The following BCOR variants were observed in gnomAD, a reference collection of about 807,000 sequenced individuals.
BCOR encodes the protein BCL-6 corepressor.
In BCOR, 10 loss-of-function variants were observed where a neutral mutation model predicts 86.7. That is an observed-to-expected ratio of 0.12 (90% CI 0.07 to 0.20). The LOEUF (loss-of-function observed/expected upper bound fraction) is 0.20. Ranked by LOEUF, BCOR falls within the 10% of genes least tolerant of loss-of-function variation. BCOR has a pLI of 1.00. For missense variants in BCOR, 1,259 were observed against 1,452.1 expected, an observed-to-expected ratio of 0.87 and a Z score of 2.16; for synonymous variants, 611 against 609.0, an observed-to-expected ratio of 1.00 and a Z score of -0.05.
intron 1 of BCOR, among the ~76,000 whole-genome samples, chrX:40,107,335 G>A (rs1937209564): frequency 9.0e-6 from 1 of 111,299 alleles, no homozygotes; most frequent in African/African-American, 3.3e-5. Context: ...AGCAGAGTGG[G>A]GGACGCAAGG....
chrX:40,148,054 C>T (rs1938098667), intron 1 of BCOR, among the ~76,000 whole-genome samples: 1 of 112,307 alleles, frequency 8.9e-6, no homozygotes, highest in Non-Finnish European at 1.9e-5. Flanking sequence ...CTCTCAGGGC[C>T]TCGGGCAACT....
chrX:40,161,506 C>CTTTTTT (rs749528691), intron 1 of BCOR, among the ~76,000 whole-genome samples: 1 of 55,984 alleles, frequency 1.8e-5, no homozygotes, highest in African/African-American at 8.2e-5. Context: ...CGATTCTCCC[C>CTTTTTT]TTTTTTTTTT....
intron 10 of BCOR, among the ~76,000 whole-genome samples, chrX:40,059,824 T>C (rs916177710): frequency 2.7e-5 from 3 of 112,782 alleles, no homozygotes; most frequent in Non-Finnish European, 5.6e-5. Flanking sequence ...AAAAACATGA[T>C]TTATTCGATT....
chrX:40,139,371 T>A (rs1352007168), intron 1 of BCOR, among the ~76,000 whole-genome samples: 1 of 55,452 alleles, frequency 1.8e-5, no homozygotes, highest in Non-Finnish European at 3.5e-5. Context: ...ATTTAAAATA[T>A]ATATATATAT....
intron 1 of BCOR, among the ~76,000 whole-genome samples, chrX:40,080,071 A>T (rs1025985604): frequency 9.5e-6 from 1 of 105,025 alleles, no homozygotes; most frequent in Non-Finnish European, 1.9e-5. Flanking sequence ...CAAGAAAAGG[A>T]TGAGGGAAGA....
intron 10 of BCOR, among the ~76,000 whole-genome samples, chrX:40,059,648 G>C (rs1934769704): frequency 8.8e-6 from 1 of 113,058 alleles, no homozygotes; most frequent in Non-Finnish European, 1.9e-5. Flanking sequence ...CTGGAAATGG[G>C]AGTGTTTGAA....
At chrX:40,152,971 T>C (rs907772637) in intron 1 of BCOR, among the ~76,000 whole-genome samples, 2 of 112,141 alleles carry the variant, frequency 1.8e-5, no homozygotes, top group African/African-American at 6.5e-5. Flanking sequence ...CCGCTCAGGG[T>C]GACCGGGCTG....
rs2147052437 is a variant in BCOR at position 40,063,723 on chromosome X, C to T, written c.3732G>A (p.Glu1244=). 1.7e-6 allele frequency: 2 copies of T among 1,211,978 alleles called. No homozygotes were observed. Among genetic ancestry groups the T allele is most frequent in the South Asian group, 1.8e-5 (1 of 56,999 alleles). Reference sequence around the variant, plus strand: ...TGATGTTAGTCCCCTGAGGAATGGCCTCAGGCTGAGTGGCCTGGGTCACTT... The same window carrying T: ...TGATGTTAGTCCCCTGAGGAATGGCTTCAGGCTGAGTGGCCTGGGTCACTT... The part of the protein sequence containing the change: ...RKEVTQATQP[E]AIPQGTNITE... The change falls in exon 8 of 15, where the codon GAG becomes GAA. Residue 1244 remains glutamate (E), a synonymous_variant. Coordinates refer to ENST00000378444, the MANE Select transcript of BCOR (RefSeq NM_001123385.2).
chrX:40,076,245 G>A (rs1216183714), intron 3 of BCOR, among the ~76,000 whole-genome samples: 1 of 111,927 alleles, frequency 8.9e-6, no homozygotes, highest in Non-Finnish European at 1.9e-5. Flanking sequence ...GTCACTAGGG[G>A]ACAGGGACAT....
At chrX:40,104,939 C>T (rs1208411516) in intron 1 of BCOR, among the ~76,000 whole-genome samples, 1 of 109,112 alleles carries the variant, frequency 9.2e-6, no homozygotes, top group Admixed American at 9.5e-5. Context: ...GGAGAGGGTG[C>T]GGGGCCGCAG....
At chrX:40,091,105 T>C (rs1268270200) in intron 1 of BCOR, among the ~76,000 whole-genome samples, 1 of 112,289 alleles carries the variant, frequency 8.9e-6, no homozygotes, top group Admixed American at 9.4e-5. Flanking sequence ...CCTGGCACCC[T>C]GACCTGAGTC....
intron 1 of BCOR, among the ~76,000 whole-genome samples, chrX:40,173,457 A>G (rs975529260): frequency 1.8e-5 from 2 of 112,063 alleles, no homozygotes; most frequent in African/African-American, 6.5e-5. Context: ...TAGGGAGTAC[A>G]AAGTTCCGGG....
intron 1 of BCOR, among the ~76,000 whole-genome samples, chrX:40,166,820 CAG>C (rs1448844243): frequency 8.9e-6 from 1 of 112,143 alleles, no homozygotes. Flanking sequence ...CTGCCTTCCT[CAG>C]GGCAGAGCTG....
At chrX:40,152,943 T>C (rs1436967723) in intron 1 of BCOR, among the ~76,000 whole-genome samples, 1 of 111,912 alleles carries the variant, frequency 8.9e-6, no homozygotes, top group Non-Finnish European at 1.9e-5. Flanking sequence ...AGGCCGATGG[T>C]CAAAGTGGGG....
intron 10 of BCOR, among the ~76,000 whole-genome samples, chrX:40,059,014 G>A (rs1275423293): frequency 3.6e-5 from 4 of 111,836 alleles, no homozygotes; most frequent in Non-Finnish European, 7.5e-5. Flanking sequence ...CCCGGCAGCC[G>A]GCCTGGTGTC....
At chrX:40,060,942 T>C (rs747332428) in intron 10 of BCOR, among the ~76,000 whole-genome samples, 184 of 112,559 alleles carry the variant, frequency 1.6e-3, no homozygotes, top group Middle Eastern at 9.2e-3. Context: ...GGGTGGGCTC[T>C]GGGTCAAAGG....
At chrX:40,167,280 G>C (rs1938524364) in intron 1 of BCOR, among the ~76,000 whole-genome samples, 2 of 112,353 alleles carry the variant, frequency 1.8e-5, no homozygotes, top group South Asian at 7.3e-4. Flanking sequence ...CATCGTTAAG[G>C]CTGTTTCACG....
At chrX:40,069,716 G>C (rs1295613056) in intron 6 of BCOR, among the ~76,000 whole-genome samples, 2 of 112,150 alleles carry the variant, frequency 1.8e-5, no homozygotes, top group Non-Finnish European at 3.8e-5. Context: ...TCAGAGTGGG[G>C]GCTGCGAGTT....
intron 1 of BCOR, among the ~76,000 whole-genome samples, chrX:40,122,368 C>T (rs1255810789): frequency 9.0e-6 from 1 of 110,991 alleles, no homozygotes; most frequent in Non-Finnish European, 1.9e-5. Context: ...TGCCAGGCCA[C>T]AAGAACTACC....
Sources: allele counts gnomAD v4.1 joint callset (sites outside exome capture counted in the v4.1 genomes callset), GRCh38; gene constraint gnomAD v4.1.1; transcripts MANE v1.5; gene names NCBI Gene and HGNC (gene_info 2026-07-23, HGNC 2026-07-21).